CSTPP1: variants seen among roughly 807,000 people sequenced by gnomAD.
The protein encoded by CSTPP1 is centriolar satellite-associated tubulin polyglutamylase complex regulator 1, also known as UPF0705 protein C11orf49.
At chr11:47,005,407 A>G in the CSTPP1 span, among the ~76,000 whole-genome samples, 2 of 152,252 alleles carry the variant, frequency 1.3e-5, no homozygotes, top group Non-Finnish European at 2.9e-5. Context: ...ATCTGGTTAA[A>G]GAGGTAAAAC....
At chr11:46,938,214 C>T in the CSTPP1 span, among the ~76,000 whole-genome samples, 13 of 151,840 alleles carry the variant, frequency 8.6e-5, no homozygotes, top group African/African-American at 2.7e-4. Flanking sequence ...GATAGTACGG[C>T]GAGTTCCCAT....
the CSTPP1 span, among the ~76,000 whole-genome samples, chr11:47,022,698 T>C: frequency 0.76 from 115,437 of 151,956 alleles, 44,567 homozygotes; most frequent in African/African-American, 0.84. Flanking sequence ...AGCCATACAC[T>C]ATCCATATCC....
chr11:47,137,530 G>A, the CSTPP1 span: 3 of 1,560,488 alleles, frequency 1.9e-6, no homozygotes, highest in South Asian at 3.6e-5. Context: ...ACACTGACTT[G>A]CTTTTAAAAG....
At chr11:47,104,757 C>A in the CSTPP1 span, among the ~76,000 whole-genome samples, 3 of 152,156 alleles carry the variant, frequency 2.0e-5, no homozygotes, top group East Asian at 5.8e-4. Context: ...TTTCATAAGG[C>A]CCCAGTTACA....
At chr11:47,142,560 A>C in the CSTPP1 span, among the ~76,000 whole-genome samples, 1 of 152,134 alleles carries the variant, frequency 6.6e-6, no homozygotes, top group African/African-American at 2.4e-5. Flanking sequence ...ATTGGCTGCC[A>C]CCACTCTGTG....
chr11:47,158,981 A>G, the CSTPP1 span, among the ~76,000 whole-genome samples: 1 of 152,226 alleles, frequency 6.6e-6, no homozygotes, highest in East Asian at 1.9e-4. Context: ...ACATTCACTA[A>G]ATGCCAACCA....
chr11:47,139,853 T>C, the CSTPP1 span, among the ~76,000 whole-genome samples: 2 of 152,070 alleles, frequency 1.3e-5, no homozygotes, highest in Admixed American at 1.3e-4. Context: ...AATCCAGAGA[T>C]GGGGGATCGG....
At chr11:47,161,207 A>T in the CSTPP1 span, 1 of 1,614,182 alleles carries the variant, frequency 6.2e-7, no homozygotes, top group Non-Finnish European at 8.5e-7. Context: ...GTCAAGTGGG[A>T]GGATACTGCC....
the CSTPP1 span, among the ~76,000 whole-genome samples, chr11:47,025,419 C>T: frequency 6.6e-6 from 1 of 152,292 alleles, no homozygotes; most frequent in East Asian, 1.9e-4. Flanking sequence ...ATCCTAAACC[C>T]CCTTCAATTT....
At chr11:46,989,862 T>G in the CSTPP1 span, among the ~76,000 whole-genome samples, 1 of 151,898 alleles carries the variant, frequency 6.6e-6, no homozygotes, top group South Asian at 2.1e-4. Flanking sequence ...GAATGCTCAA[T>G]GTTTAGCTCC....
At chr11:47,163,632 A>G in the CSTPP1 span, among the ~76,000 whole-genome samples, 2 of 152,086 alleles carry the variant, frequency 1.3e-5, no homozygotes, top group African/African-American at 2.4e-5. Context: ...ATGTGTGTGT[A>G]TGTATATATA....
the CSTPP1 span, among the ~76,000 whole-genome samples, chr11:46,964,564 C>T: frequency 2.6e-5 from 4 of 152,198 alleles, no homozygotes; most frequent in Non-Finnish European, 5.9e-5. Flanking sequence ...GGATTACAGG[C>T]GTGAGCCACC....
At chr11:47,009,286 C>T in the CSTPP1 span, among the ~76,000 whole-genome samples, 1 of 152,126 alleles carries the variant, frequency 6.6e-6, no homozygotes, top group Non-Finnish European at 1.5e-5. Context: ...GAATTACCTA[C>T]TCTACTTTTA....
chr11:47,007,087 C>T, the CSTPP1 span, among the ~76,000 whole-genome samples: 2 of 144,154 alleles, frequency 1.4e-5, no homozygotes, highest in African/African-American at 5.2e-5. Context: ...CTCACTGCAA[C>T]CCAGGTTTGC....
chr11:46,943,948 G>A, the CSTPP1 span, among the ~76,000 whole-genome samples: 1 of 152,202 alleles, frequency 6.6e-6, no homozygotes, highest in Non-Finnish European at 1.5e-5. Flanking sequence ...TTGAGCCCAG[G>A]AGGTCAAGGC....
the CSTPP1 span, among the ~76,000 whole-genome samples, chr11:46,940,434 T>A: frequency 1.4e-4 from 21 of 152,160 alleles, no homozygotes; most frequent in African/African-American, 4.6e-4. Context: ...TATTGTCAGA[T>A]TGCCCTTAAT....
chr11:47,020,728 A>G, the CSTPP1 span, among the ~76,000 whole-genome samples: 1 of 152,232 alleles, frequency 6.6e-6, no homozygotes, highest in Non-Finnish European at 1.5e-5. Context: ...AACATACAAG[A>G]TCTTAGAGAT....
the CSTPP1 span, among the ~76,000 whole-genome samples, chr11:46,993,618 T>G: frequency 1.3e-5 from 2 of 152,242 alleles, no homozygotes; most frequent in South Asian, 2.1e-4. Context: ...AGGGCTCTGT[T>G]CTGTTCCATT....
the CSTPP1 span, among the ~76,000 whole-genome samples, chr11:47,078,267 A>G: frequency 6.6e-6 from 1 of 152,220 alleles, no homozygotes; most frequent in Non-Finnish European, 1.5e-5. Context: ...TTGGGGTGAA[A>G]TGAGTTATAA....
Sources: gnomAD v4.1 joint callset for allele counts (sites outside exome capture counted in the v4.1 genomes callset) on GRCh38, gnomAD v4.1.1 for gene constraint, MANE v1.5 for transcripts, NCBI Gene and HGNC (gene_info 2026-07-23, HGNC 2026-07-21) for gene names.